The following TESC variants were observed in gnomAD, a reference collection of about 807,000 sequenced individuals.
TESC encodes the protein calcineurin B homologous protein 3.
A neutral mutation model predicts 31.0 loss-of-function variants in TESC; 19 were observed. That is an observed-to-expected ratio of 0.61 (90% CI 0.43 to 0.90). The LOEUF (loss-of-function observed/expected upper bound fraction) is 0.90. Among genes scored for constraint, TESC ranks in the 40% least tolerant of loss-of-function variants. TESC has a pLI of 0.00. For missense variants in TESC, 248 were observed against 303.8 expected (o/e 0.82, Z 1.36); for synonymous variants, 109 against 114.8 (o/e 0.95, Z 0.32).
rs148381060 is a variant in TESC at position 117,080,731 on chromosome 12, C to T, written c.59-5391G>A. Among the ~76,000 whole-genome samples, 544 of 152,304 alleles carry T rather than the reference C, an allele frequency of 3.6e-3. 3 individuals are homozygous for T. The highest frequency in any genetic ancestry group is 0.012 in the African/African-American group (502 of 41,560). ...GGTCTAACCCAACATGTCTGGTGAG[C>T]TGCTTCCTCCTAACTGCGCCCCCCC... On this transcript the variant is annotated intron_variant, in intron 1 of 7. Coordinates refer to ENST00000335209, the MANE Select transcript of TESC (RefSeq NM_017899.4).
At chr12:117,072,919 A>T (rs942129680) in intron 2 of TESC, among the ~76,000 whole-genome samples, 1 of 152,212 alleles carries the variant, frequency 6.6e-6, no homozygotes, top group Non-Finnish European at 1.5e-5. Context: ...CCAGAGCTAC[A>T]TGTGTGCATC....
intron 1 of TESC, among the ~76,000 whole-genome samples, chr12:117,094,487 T>A (rs1241834468): frequency 6.6e-6 from 1 of 152,118 alleles, no homozygotes; most frequent in Non-Finnish European, 1.5e-5. Flanking sequence ...AACCACCAAG[T>A]GCATACAAAG....
rs139095356 is a variant in TESC at position 117,041,196 on chromosome 12, G to A, written c.567+751C>T. 5.2e-3 allele frequency among the ~76,000 whole-genome samples: 785 copies of A among 152,334 alleles called. 1 individual carries two copies. Among genetic ancestry groups the A allele is most frequent in the Non-Finnish European group, 7.0e-3 (479 of 68,022 alleles). On this transcript the variant is annotated intron_variant, in intron 7 of 7. Coordinates refer to ENST00000335209, the MANE Select transcript of TESC (RefSeq NM_017899.4). ...AGGGAGGAGGGCAGAGTGGGCGGCC[G>A]CTTTACGAAAGTGTCATTTTAGGAC...
chr12:117,078,942 G>A (rs1215080904), intron 1 of TESC, among the ~76,000 whole-genome samples: 1 of 152,100 alleles, frequency 6.6e-6, no homozygotes, highest in Non-Finnish European at 1.5e-5. Context: ...GTCATTCACT[G>A]GCTGAGTACT....
At chr12:117,069,634 C>A (rs138808744) in intron 2 of TESC, among the ~76,000 whole-genome samples, 1 of 152,196 alleles carries the variant, frequency 6.6e-6, no homozygotes, top group African/African-American at 2.4e-5. Context: ...GCAAGACGAA[C>A]CCTCCCCTAG....
At chr12:117,075,863 A>ATGTGTG (rs1565971343) in intron 1 of TESC, among the ~76,000 whole-genome samples, 6 of 49,380 alleles carry the variant, frequency 1.2e-4, no homozygotes, top group South Asian at 7.3e-4. Context: ...ATATATATAT[A>ATGTGTG]TATATATGTG....
intron 1 of TESC, among the ~76,000 whole-genome samples, chr12:117,096,784 C>T (rs1344876499): frequency 6.6e-6 from 1 of 152,176 alleles, no homozygotes; most frequent in Non-Finnish European, 1.5e-5. Flanking sequence ...TGAGCCCTGA[C>T]GACAGCTGTG....
chr12:117,088,629 C>T (rs1358747130), intron 1 of TESC, among the ~76,000 whole-genome samples: 4 of 147,626 alleles, frequency 2.7e-5, no homozygotes, highest in African/African-American at 7.7e-5. Flanking sequence ...GGCAGTGAGC[C>T]GAGATTGTGC....
At chr12:117,077,133 C>T (rs915689071) in intron 1 of TESC, among the ~76,000 whole-genome samples, 23 of 152,144 alleles carry the variant, frequency 1.5e-4, no homozygotes, top group African/African-American at 5.1e-4. Flanking sequence ...CAAGAATCAA[C>T]AGCTCAGTAT....
At position 117,039,211 on chromosome 12, in the gene TESC, C is replaced by G. The variant is rs1565955579; in HGVS notation, c.568-1G>C. On this transcript the variant is annotated splice_acceptor_variant, in intron 7 of 7. Transcript: ENST00000335209. LOFTEE classifies it high-confidence loss of function. Reference sequence around the variant, plus strand: ...TCTCAATGTCGATCCCCTGCCAGATCTGGAAGGGACGGAGCAGCGTTAAGG... The same window carrying G: ...TCTCAATGTCGATCCCCTGCCAGATGTGGAAGGGACGGAGCAGCGTTAAGG... The G allele has an allele frequency of 6.2e-7, 1 of 1,613,286 alleles. No homozygotes were observed. Among genetic ancestry groups the G allele is most frequent in the Non-Finnish European group, 8.5e-7 (1 of 1,179,678 alleles).
chr12:117,049,311 C>T (rs1343715135), intron 3 of TESC, among the ~76,000 whole-genome samples, 153 bp from the exon 4 acceptor site: 2 of 152,246 alleles, frequency 1.3e-5, no homozygotes, highest in East Asian at 1.9e-4. Context: ...GAACCTGCTT[C>T]GTGGCGGGGC....
chr12:117,084,992 C>A (rs925080047), intron 1 of TESC, among the ~76,000 whole-genome samples: 1 of 152,242 alleles, frequency 6.6e-6, no homozygotes, highest in Non-Finnish European at 1.5e-5. Context: ...CAGCCCCACT[C>A]TGCTAGAAAT....
At chr12:117,076,493 A>AGAAT (rs1565972020) in intron 1 of TESC, among the ~76,000 whole-genome samples, 1 of 152,172 alleles carries the variant, frequency 6.6e-6, no homozygotes, top group Non-Finnish European at 1.5e-5. Context: ...CGCCCAGGCT[A>AGAAT]GAATGCAGTG....
chr12:117,074,621 C>G (rs1183839599), intron 2 of TESC, among the ~76,000 whole-genome samples: 1 of 152,180 alleles, frequency 6.6e-6, no homozygotes, highest in Non-Finnish European at 1.5e-5. Flanking sequence ...TGCACCACAA[C>G]TGATACATCT....
chr12:117,085,685 C>T (rs1310419572), intron 1 of TESC, among the ~76,000 whole-genome samples: 1 of 152,158 alleles, frequency 6.6e-6, no homozygotes, highest in Non-Finnish European at 1.5e-5. Context: ...TCCCGGAATA[C>T]AGAGGTGAGC....
At chr12:117,075,843 G>A in intron 1 of TESC, among the ~76,000 whole-genome samples, 1 of 40,814 alleles carries the variant, frequency 2.5e-5, no homozygotes, top group East Asian at 9.0e-4. Context: ...TTTCGTGTGT[G>A]TGTGTATATA....
intron 2 of TESC, among the ~76,000 whole-genome samples, 194 bp downstream of exon 2, chr12:117,075,077 C>T (rs946182873): frequency 2.6e-5 from 4 of 152,140 alleles, no homozygotes; most frequent in Non-Finnish European, 4.4e-5. Context: ...ACCCAGGAGG[C>T]AGAGCTTGCA....
At chr12:117,072,463 G>A (rs997721844) in intron 2 of TESC, among the ~76,000 whole-genome samples, 5 of 152,162 alleles carry the variant, frequency 3.3e-5, no homozygotes, top group Non-Finnish European at 7.3e-5. Flanking sequence ...TCAGAGAAAG[G>A]AAGTAACCAG....
At chr12:117,093,780 GA>G (rs1565978035) in intron 1 of TESC, among the ~76,000 whole-genome samples, 2 of 145,434 alleles carry the variant, frequency 1.4e-5, no homozygotes, top group African/African-American at 5.2e-5. Flanking sequence ...TAGGTCTGGA[GA>G]TTTTTTTTTT....
Sources: gnomAD v4.1 joint callset for allele counts (sites outside exome capture counted in the v4.1 genomes callset) on GRCh38, gnomAD v4.1.1 for gene constraint, MANE v1.5 for transcripts, NCBI Gene and HGNC (gene_info 2026-07-23, HGNC 2026-07-21) for gene names.